Variants in RFTN1 observed in about 807,000 individuals in gnomAD.
RFTN1 encodes the protein raftlin, lipid raft linker 1.
A neutral mutation model predicts 46.5 loss-of-function variants in RFTN1; 26 were observed. That is an observed-to-expected ratio of 0.56 (90% CI 0.41 to 0.78). The LOEUF is 0.78. Ranked by LOEUF, RFTN1 falls within the 30% of genes least tolerant of loss-of-function variation. The pLI, the probability that RFTN1 is intolerant of heterozygous loss-of-function variation, is 0.00. For missense variants in RFTN1, 693 were observed against 718.7 expected, an observed-to-expected ratio of 0.96 and a Z score of 0.41; for synonymous variants, 261 against 284.2, an observed-to-expected ratio of 0.92 and a Z score of 0.82.
At chr3:16,373,947 T>A (rs1205817695) in intron 5 of RFTN1, among the ~76,000 whole-genome samples, 1 of 152,206 alleles carries the variant, frequency 6.6e-6, no homozygotes, top group East Asian at 1.9e-4. Context: ...TGCTCAAGCT[T>A]CGCTAAGGCT....
chr3:16,404,172 C>A (rs1171831859), intron 4 of RFTN1, among the ~76,000 whole-genome samples: 1 of 22,558 alleles, frequency 4.4e-5, no homozygotes, highest in African/African-American at 1.7e-4. Context: ...ATATAATATA[C>A]ATTTTATATA....
In RFTN1 at chr3:16,383,075, A is replaced by G. The variant is rs1331763772; in HGVS notation, c.442-4973T>C. Reference sequence around the variant, plus strand: ...CTTAGGCCTCAAAATCATACCTTACAGAAGAGAAAACTGCTTAAGACATTC... The same window carrying G: ...CTTAGGCCTCAAAATCATACCTTACGGAAGAGAAAACTGCTTAAGACATTC... On this transcript the variant is annotated intron_variant, in intron 4 of 9. Coordinates refer to ENST00000334133, the MANE Select transcript of RFTN1 (RefSeq NM_015150.2). The surrounding 1 kb of genome is among the most constrained non-coding windows in gnomAD (Gnocchi z 4.0). Among the ~76,000 whole-genome samples, 1 of 152,210 alleles carries G rather than the reference A, an allele frequency of 6.6e-6. No homozygotes were observed. Among genetic ancestry groups the G allele is most frequent in the African/African-American group, 2.4e-5 (1 of 41,460 alleles).
chr3:16,370,250 G>A lies in RFTN1; in HGVS notation c.856C>T (p.Pro286Ser), dbSNP rs753670146. ...KMEIFTLFNK[P>S]KSHQKCRQYY... The stretch of plus-strand genomic sequence containing the variant: ...TGCCGGCACTTCTGATGGCTCTTCG[G>A]TTTGTTGAAAAGGGTGAAGATCTCC... Residue 286 changes from proline (P) to serine (S), a missense_variant, in exon 6 of 10, where the codon CCG (proline) becomes TCG (serine). Pro to Ser is a moderately conservative substitution (Grantham distance 74). Transcript: ENST00000334133. This position sits in a 1 kb window ranked among gnomAD's most constrained non-coding sequence, Gnocchi z 5.5. 6.2e-7 allele frequency: 1 copy of A among 1,614,216 alleles called. No homozygotes were observed. Among genetic ancestry groups the A allele is most frequent in the Non-Finnish European group, 8.5e-7 (1 of 1,180,040 alleles).
In RFTN1 at chr3:16,498,176, T is replaced by C. The variant is rs1864260; in HGVS notation, c.-8-4299A>G. On this transcript the variant is annotated intron_variant, in intron 1 of 9. Coordinates refer to ENST00000334133, the MANE Select transcript of RFTN1 (RefSeq NM_015150.2). This position sits in a 1 kb window ranked among gnomAD's most constrained non-coding sequence, Gnocchi z 5.2. ...AAACCAAATTTGGCTTGACGATGCC[T>C]CCATACTTGAGTCATTACATAACGA... Among the ~76,000 whole-genome samples the C allele has an allele frequency of 6.6e-4, 100 of 152,324 alleles. 5 individuals carry two copies. In the South Asian group the frequency reaches 0.02, roughly 31 times the overall value.
intron 4 of RFTN1, among the ~76,000 whole-genome samples, chr3:16,404,379 TA>T (rs759457165): frequency 0.17 from 4,361 of 26,372 alleles, 783 homozygotes; most frequent in African/African-American, 0.36. Context: ...ATAATATATA[TA>T]ATATATAATA....
chr3:16,453,902 G>A (rs2075860669), intron 2 of RFTN1, among the ~76,000 whole-genome samples: 1 of 152,160 alleles, frequency 6.6e-6, no homozygotes, highest in Non-Finnish European at 1.5e-5. Flanking sequence ...ATTAAGGCAA[G>A]CAAAATGCAA....
intron 3 of RFTN1, among the ~76,000 whole-genome samples, chr3:16,414,211 T>C (rs2075028105): frequency 6.8e-6 from 1 of 147,818 alleles, no homozygotes; most frequent in South Asian, 2.1e-4. Context: ...TTTGTGGAGC[T>C]AACAATCTAA....
In RFTN1 at chr3:16,361,835, G is replaced by A. The variant is rs1235040162; in HGVS notation, c.1031-3788C>T. 6.6e-6 allele frequency among the ~76,000 whole-genome samples: 1 copy of A among 152,208 alleles called. No homozygotes were observed. The highest frequency in any genetic ancestry group is 1.5e-5 in the Non-Finnish European group (1 of 68,032). ...CTTGGCCATTACATTGAGAGGGCAT[G>A]CCCCAGTTAGCCAGTTGGTTCTAGG... On this transcript the variant is annotated intron_variant, in intron 6 of 9. Coordinates refer to ENST00000334133, the MANE Select transcript of RFTN1 (RefSeq NM_015150.2). This position sits in a 1 kb window ranked among gnomAD's most constrained non-coding sequence, Gnocchi z 4.3.
At chr3:16,318,546 G>A (rs1254048555) in intron 9 of RFTN1, among the ~76,000 whole-genome samples, 2 of 152,090 alleles carry the variant, frequency 1.3e-5, no homozygotes, top group African/African-American at 4.8e-5. Context: ...AGTTTTCCAC[G>A]GTAGAGATCT....
intron 7 of RFTN1, among the ~76,000 whole-genome samples, chr3:16,333,890 G>A (rs2070584024): frequency 6.6e-6 from 1 of 152,228 alleles, no homozygotes; most frequent in Admixed American, 6.5e-5. Context: ...TACCAGCCGG[G>A]CGTGGTGGCT....
At position 16,345,788 on chromosome 3, in the gene RFTN1, C is replaced by CTG. The variant is rs370820242; in HGVS notation, c.1146+12142_1146+12143dup. Among the ~76,000 whole-genome samples the CTG allele has an allele frequency of 0.067, 8,566 of 127,162 alleles. 310 individuals are homozygous for CTG. The highest frequency in any genetic ancestry group is 0.11 in the East Asian group (478 of 4,526). The allele number at this position is 127,162 out of a possible 152,430, so 83.4% of individuals were successfully genotyped here. A position where few individuals can be genotyped will look rare whatever the true frequency, so the allele number is the denominator to read the frequency against. ...TGAGCCAAAACCTTATAATAAATCT[C>CTG]TGTGTGTGTGTGTGTGTGTGTGTGT... On this transcript the variant is annotated intron_variant, in intron 7 of 9. Transcript: ENST00000334133. This position sits in a 1 kb window ranked among gnomAD's most constrained non-coding sequence, Gnocchi z 5.2.
intron 1 of RFTN1, among the ~76,000 whole-genome samples, chr3:16,505,064 G>A (rs2076780339): frequency 1.3e-5 from 2 of 152,130 alleles, no homozygotes; most frequent in Admixed American, 6.5e-5. Flanking sequence ...ATCTGCCATC[G>A]CAACAGCTAC....
At chr3:16,403,710 AAT>A (rs1159271595) in intron 4 of RFTN1, among the ~76,000 whole-genome samples, 3 of 26,068 alleles carry the variant, frequency 1.2e-4, no homozygotes, top group South Asian at 1.2e-3. Flanking sequence ...TTATGTATAT[AAT>A]ATATAATATA....
Position 16,512,426 on chromosome 3 carries a change from A to T in RFTN1, c.-9+1016T>A, listed in dbSNP as rs2346913. Among the ~76,000 whole-genome samples, 358 of 33,026 alleles carry T rather than the reference A, an allele frequency of 0.011. 2 individuals carry two copies. Among genetic ancestry groups the T allele is most frequent in the African/African-American group, 0.017 (48 of 2,808 alleles). 21.7% of individuals were successfully genotyped at this position (33,026 alleles called of 152,430 possible). On this transcript the variant is annotated intron_variant, in intron 1 of 9. Coordinates refer to ENST00000334133, the MANE Select transcript of RFTN1 (RefSeq NM_015150.2). This position sits in a 1 kb window ranked among gnomAD's most constrained non-coding sequence, Gnocchi z 4.3. ...AGAGATTGAGCCAGACTTTTTTTTT[A>T]AAAAAGTACTTCTTGTTTGTTTGTT...
chr3:16,505,732 A>C (rs765375601), intron 1 of RFTN1, among the ~76,000 whole-genome samples: 7 of 152,196 alleles, frequency 4.6e-5, no homozygotes, highest in Non-Finnish European at 1.0e-4. Flanking sequence ...AAAGTTCATC[A>C]TGCCTAAAAA....
chr3:16,463,204 G>A (rs533044648), intron 2 of RFTN1, among the ~76,000 whole-genome samples: 1 of 151,990 alleles, frequency 6.6e-6, no homozygotes, highest in Non-Finnish European at 1.5e-5. Flanking sequence ...TACAAATCTG[G>A]GGAAATTCTT....
At chr3:16,364,276 A>C (rs1225678889) in intron 6 of RFTN1, among the ~76,000 whole-genome samples, 1 of 152,182 alleles carries the variant, frequency 6.6e-6, no homozygotes, top group Non-Finnish European at 1.5e-5. Flanking sequence ...TTTTCATTGA[A>C]TCCTCCCCAA....
chr3:16,423,676 G>A (rs1287513424), intron 3 of RFTN1, among the ~76,000 whole-genome samples: 1 of 152,176 alleles, frequency 6.6e-6, no homozygotes, highest in Non-Finnish European at 1.5e-5. Context: ...TATCAAAAAT[G>A]AGAAATCATA....
rs566831516 is a variant in RFTN1, at chr3:16,460,689, C to T, written c.146-26652G>A. On this transcript the variant is annotated intron_variant, in intron 2 of 9. Transcript: ENST00000334133. The surrounding 1 kb of genome is among the most constrained non-coding windows in gnomAD (Gnocchi z 4.8). ...AGAGGCCTGTTATACAGATAACTAACGCAAGAGACACGTGAGCAGACGTCA... is the reference window on the plus strand; with the variant it reads ...AGAGGCCTGTTATACAGATAACTAATGCAAGAGACACGTGAGCAGACGTCA... Among the ~76,000 whole-genome samples the T allele has an allele frequency of 2.2e-4, 34 of 152,230 alleles. No individual in the cohort carries two copies. Among genetic ancestry groups the T allele is most frequent in the African/African-American group, 5.3e-4 (22 of 41,530 alleles).
Sources: allele counts gnomAD v4.1 joint callset (sites outside exome capture counted in the v4.1 genomes callset), GRCh38; gene constraint gnomAD v4.1.1; non-coding constraint Gnocchi (gnomAD v3.1); transcripts MANE v1.5; gene names NCBI Gene and HGNC (gene_info 2026-07-23, HGNC 2026-07-21).